Variants in DENND10 observed in about 807,000 individuals in gnomAD.
The protein encoded by DENND10 is DENN domain-containing protein 10.
In DENND10, 24 loss-of-function variants were observed where a neutral mutation model predicts 43.6. That is an observed-to-expected ratio of 0.55 (90% confidence interval 0.40 to 0.77). The LOEUF is 0.77. DENND10 is among the 30% of genes least tolerant of loss of function. The pLI is 0.00. For missense variants in DENND10, 303 were observed against 429.9 expected, an observed-to-expected ratio of 0.70 and a Z score of 2.61; for synonymous variants, 125 against 157.6, an observed-to-expected ratio of 0.79 and a Z score of 1.55.
At chr10:119,123,870 C>T (rs1250575545) in intron 6 of DENND10, among the ~76,000 whole-genome samples, 1 of 141,820 alleles carries the variant, frequency 7.1e-6, no homozygotes, top group Non-Finnish European at 1.6e-5. Flanking sequence ...ATTTTTTGCC[C>T]TTAAATTTTT....
In DENND10 at chr10:119,132,626, C is replaced by T. The variant is rs758044853; in HGVS notation, c.897+17C>T. The T allele has an allele frequency of 4.4e-6, 7 of 1,597,856 alleles. No individual in the cohort carries two copies. The highest frequency in any genetic ancestry group is 5.1e-6 in the Non-Finnish European group (6 of 1,165,054). Reference sequence around the variant, plus strand: ...GTTATACAGGTAACTCCCTCACCTTCTGACTTACTGAAAGTCCTGACCCGG... The same window carrying T: ...GTTATACAGGTAACTCCCTCACCTTTTGACTTACTGAAAGTCCTGACCCGG... On this transcript the variant is annotated intron_variant, in intron 8 of 8. Coordinates refer to ENST00000361432, the MANE Select transcript of DENND10 (RefSeq NM_207009.4). This position sits in a 1 kb window ranked among gnomAD's most constrained non-coding sequence, Gnocchi z 4.2.
intron 4 of DENND10, among the ~76,000 whole-genome samples, chr10:119,118,994 C>T (rs188032126): frequency 0.01 from 1,494 of 149,290 alleles, 28 homozygotes; most frequent in African/African-American, 0.035. Flanking sequence ...CAGGCACCTG[C>T]CACCACACCC....
At chr10:119,119,886 G>GGATTT (rs1845476793) in intron 4 of DENND10, among the ~76,000 whole-genome samples, 1 of 152,062 alleles carries the variant, frequency 6.6e-6, no homozygotes, top group Non-Finnish European at 1.5e-5. Flanking sequence ...ACATAGGATA[G>GGATTT]ATCTACTCTT....
Position 119,104,150 on chromosome 10 carries a change from C to A in DENND10, c.8C>A (p.Ala3Glu), listed in dbSNP as rs368513900. ...GCGCCGCGGCGGCGGAAGATGGCTG[C>A]GGCCGAGGTGGCGGACACTCAGCTG... is the stretch of plus-strand genomic sequence containing the variant. MAAAEVADTQLML... is the reference protein window; with the variant it reads MAEAEVADTQLML... Residue 3 changes from alanine to glutamate, a missense_variant, in exon 1 of 9, where the codon GCG becomes GAG. Physicochemically the swap from Ala to Glu is moderately radical, Grantham distance 107. Transcript: ENST00000361432. 1.3e-6 allele frequency: 2 copies of A among 1,514,606 alleles called. No homozygotes were observed. Among genetic ancestry groups the A allele is most frequent in the Non-Finnish European group, 1.8e-6 (2 of 1,132,562 alleles). 93.8% of individuals were successfully genotyped at this position (1,514,606 alleles called of 1,614,324 possible).
At chr10:119,128,956 C>T (rs1258679030) in intron 6 of DENND10, among the ~76,000 whole-genome samples, 1 of 152,164 alleles carries the variant, frequency 6.6e-6, no homozygotes, top group Non-Finnish European at 1.5e-5. Flanking sequence ...TACAGTTCGA[C>T]ATGAGATTTG....
intron 1 of DENND10, among the ~76,000 whole-genome samples, chr10:119,106,356 G>C (rs984428692): frequency 6.6e-6 from 1 of 152,126 alleles, no homozygotes; most frequent in Non-Finnish European, 1.5e-5. Context: ...TTTATTTGTA[G>C]TCTTTAGAGA....
rs996384997 is a variant in DENND10 at position 119,104,212 on chromosome 10, G to T, written c.55+15G>T. The T allele has an allele frequency of 6.6e-7, 1 of 1,509,032 alleles. No individual in the cohort carries two copies. Among genetic ancestry groups the T allele is most frequent in the Non-Finnish European group, 8.9e-7 (1 of 1,129,382 alleles). 93.5% of individuals were successfully genotyped at this position (1,509,032 alleles called of 1,614,324 possible). A position where few individuals can be genotyped will look rare whatever the true frequency, so the allele number is the denominator to read the frequency against. ...CGGGCTGATCGGTGAGGACGTAGGC[G>T]CCCTGCCTGGAAGCCCGCACCCTGG... On this transcript the variant is annotated intron_variant, in intron 1 of 8. Coordinates refer to ENST00000361432, the MANE Select transcript of DENND10 (RefSeq NM_207009.4).
rs201280720 is a variant in DENND10 at position 119,111,444 on chromosome 10, C to CA, written c.253-394dup. On this transcript the variant is annotated intron_variant, in intron 2 of 8. Coordinates refer to ENST00000361432, the MANE Select transcript of DENND10 (RefSeq NM_207009.4). ...TAGGCAACATAGTGAGACCCCAACT[C>CA]AAAAAAAAAAATAGGTAAAATAAAA... Among the ~76,000 whole-genome samples, 1,272 of 135,942 alleles carry CA rather than the reference C, an allele frequency of 9.4e-3. 89 individuals are homozygous for CA. The East Asian group carries it at 0.19, about 20-fold the overall frequency. The allele number at this position is 135,942 out of a possible 152,430, so 89.2% of individuals were successfully genotyped here.
intron 6 of DENND10, among the ~76,000 whole-genome samples, chr10:119,128,953 C>T (rs1287684639): frequency 2.6e-5 from 4 of 152,062 alleles, no homozygotes; most frequent in Non-Finnish European, 2.9e-5. Flanking sequence ...GATTACAGTT[C>T]GACATGAGAT....
At chr10:119,130,041 A>G (rs779100020) in intron 7 of DENND10, among the ~76,000 whole-genome samples, 16 of 149,480 alleles carry the variant, frequency 1.1e-4, no homozygotes, top group South Asian at 1.1e-3. Context: ...GTCTTGCTCT[A>G]TTTCCCAGGC....
intron 7 of DENND10, among the ~76,000 whole-genome samples, chr10:119,130,996 T>G (rs752832423): frequency 1.3e-4 from 20 of 152,220 alleles, no homozygotes; most frequent in Non-Finnish European, 2.2e-4. Flanking sequence ...GAAAGGAGTA[T>G]CAAAAAATAT....
chr10:119,105,603 T>G, intron 1 of DENND10: 1 of 679,756 alleles, frequency 1.5e-6, no homozygotes, highest in South Asian at 3.1e-5. Flanking sequence ...TAAGTTAAAC[T>G]GTCTTTATCT....
At chr10:119,135,163 CAAAAAAAAAAAAAAAAA>C (rs61460927) in intron 8 of DENND10, 67 of 132,704 alleles carry the variant, frequency 5.0e-4, no homozygotes, top group African/African-American at 1.6e-3. Context: ...AAAACTGTCT[CAAAAAAAAAAAAAAAAA>C]AAAAAAAGAA....
chr10:119,108,212 C>T (rs7077808), intron 2 of DENND10, 48 bp downstream of exon 2: 14,037 of 1,392,758 alleles, frequency 0.01, 521 homozygotes, highest in African/African-American at 0.095. Context: ...AGGCTGGGCG[C>T]GGTGGCTCAT....
intron 4 of DENND10, 45 bp from the exon 5 acceptor site, chr10:119,120,296 G>T: frequency 8.9e-7 from 1 of 1,119,938 alleles, no homozygotes; most frequent in Non-Finnish European, 1.3e-6. Context: ...TTATTTCTTT[G>T]CATGATGTGT....
intron 3 of DENND10, 50 bp from the exon 4 acceptor site, chr10:119,117,469 A>C: frequency 6.3e-7 from 1 of 1,593,534 alleles, no homozygotes; most frequent in South Asian, 1.1e-5. Flanking sequence ...ACATCTGTAC[A>C]TGATTTGTGC....
chr10:119,135,818 C>CAAAAAAAAAAAAAAAAAAAAAAA (rs1174927246), intron 8 of DENND10, among the ~76,000 whole-genome samples: 13 of 76,484 alleles, frequency 1.7e-4, no homozygotes, highest in East Asian at 4.3e-4. Context: ...AAAAAAAAAC[C>CAAAAAAAAAAAAAAAAAAAAAAA]AAAACCACAC....
chr10:119,119,267 G>A (rs541114777), intron 4 of DENND10, among the ~76,000 whole-genome samples: 2 of 152,204 alleles, frequency 1.3e-5, no homozygotes, highest in South Asian at 2.1e-4. Flanking sequence ...GCCTCCCAAA[G>A]TGCTAGGATT....
chr10:119,123,388 C>A, intron 5 of DENND10, 81 bp from the exon 6 acceptor site: 2 of 1,016,702 alleles, frequency 2.0e-6, no homozygotes, highest in South Asian at 1.4e-5. Context: ...TCATTTCCTT[C>A]TCAGGAAGAG....
Sources: gnomAD v4.1 joint callset for allele counts (sites outside exome capture counted in the v4.1 genomes callset) on GRCh38, gnomAD v4.1.1 for gene constraint, Gnocchi (gnomAD v3.1) non-coding constraint, MANE v1.5 for transcripts, NCBI Gene and HGNC (gene_info 2026-07-23, HGNC 2026-07-21) for gene names.